The following NEU4 variants were observed in gnomAD, a reference collection of about 807,000 sequenced individuals.
The protein encoded by NEU4 is neuraminidase 4.
In NEU4, 7 loss-of-function variants were observed where a neutral mutation model predicts 9.9. The ratio of observed to expected loss-of-function variants is 0.71; its 90% CI spans 0.40 to 1.33. The LOEUF (loss-of-function observed/expected upper bound fraction) is 1.33. NEU4 is among the 40% of genes most tolerant of loss of function. The probability of loss-of-function intolerance (pLI) is 0.01; values close to 1 mark genes in which losing one functional copy is unlikely to be tolerated. For missense variants in NEU4, 717 were observed against 712.6 expected (o/e 1.01, Z -0.07); for synonymous variants, 348 against 316.9 (o/e 1.10, Z -1.04).
intron 1 of NEU4, chr2:241,810,764 T>C (rs1254724105): frequency 5.9e-6 from 1 of 168,232 alleles, no homozygotes; most frequent in Non-Finnish European, 1.2e-5. Flanking sequence ...TGAAAGGGAC[T>C]GGCAGGAGTC....
chr2:241,816,038 C>T lies in NEU4; in HGVS notation c.458-13C>T. Reference sequence around the variant, plus strand: ...CCCAGCAGCCCCTCCCACCTCTGCCCTCCTCCCTGCAGACTGGGCCACATT... The same window carrying T: ...CCCAGCAGCCCCTCCCACCTCTGCCTTCCTCCCTGCAGACTGGGCCACATT... On this transcript the variant is annotated splice_polypyrimidine_tract_variant and intron_variant, in intron 3 of 3. Transcript: ENST00000407683. 4 of 1,586,252 alleles carry T rather than the reference C, an allele frequency of 2.5e-6. No homozygotes were observed. Among genetic ancestry groups the T allele is most frequent in the South Asian group, 1.1e-5 (1 of 87,182 alleles).
At chr2:241,815,285 C>T in intron 3 of NEU4, 138 bp downstream of exon 3, 3 of 1,184,592 alleles carry the variant, frequency 2.5e-6, no homozygotes, top group Non-Finnish European at 3.5e-6. Context: ...TTCCCCAGGA[C>T]TGTTCTGCGC....
At chr2:241,812,059 C>T (rs923496133) in intron 1 of NEU4, 4 of 72,484 alleles carry the variant, frequency 5.5e-5, no homozygotes, top group Middle Eastern at 7.4e-3. Flanking sequence ...AAGTGCTGAC[C>T]CCAGAGGGTG....
rs1243826697 is a variant in NEU4, at chr2:241,812,453, G to A, written c.-3-2029G>A. 5.8e-4 allele frequency among the ~76,000 whole-genome samples: 39 copies of A among 67,562 alleles called. 1 individual carries two copies. Among genetic ancestry groups the A allele is most frequent in the African/African-American group, 1.6e-3 (37 of 23,252 alleles). The allele number at this position is 67,562 out of a possible 152,430, so 44.3% of individuals were successfully genotyped here. A position where few individuals can be genotyped will look rare whatever the true frequency, so the allele number is the denominator to read the frequency against. On this transcript the variant is annotated intron_variant, in intron 1 of 3. Transcript: ENST00000407683. ...TGGAATGTGCTGAACTGGCTACACTGAGCGGGGCTGGCCTCCGAGACAGAG... is the reference window on the plus strand; with the variant it reads ...TGGAATGTGCTGAACTGGCTACACTAAGCGGGGCTGGCCTCCGAGACAGAG...
intron 1 of NEU4, chr2:241,811,817 G>A (rs554874575): frequency 4.4e-4 from 121 of 272,774 alleles, no homozygotes; most frequent in African/African-American, 2.5e-3. Flanking sequence ...CCAGCCCACA[G>A]GGTCGTTCTG....
At chr2:241,813,660 C>A in intron 1 of NEU4, 1 of 652,898 alleles carries the variant, frequency 1.5e-6, no homozygotes, top group Non-Finnish European at 2.5e-6. Flanking sequence ...TTCCTGTGGG[C>A]GCTTCTCAGG....
At chr2:241,811,589 A>G in intron 1 of NEU4, 2 of 775,326 alleles carry the variant, frequency 2.6e-6, no homozygotes, top group Non-Finnish European at 3.6e-6. Context: ...GACGAGTCCC[A>G]CTCCTTGCCA....
At chr2:241,813,523 G>T in intron 1 of NEU4, 2 of 1,226,372 alleles carry the variant, frequency 1.6e-6, no homozygotes, top group Non-Finnish European at 2.1e-6. Context: ...GGCAGGTCCC[G>T]CCTGCAACAA....
In NEU4 at chr2:241,814,557, C is replaced by T. The variant is rs1237770668; in HGVS notation, c.73C>T (p.Pro25Ser). 2 of 1,612,514 alleles carry T rather than the reference C, an allele frequency of 1.2e-6. No homozygotes were observed. Among genetic ancestry groups the T allele is most frequent in the Non-Finnish European group, 1.7e-6 (2 of 1,179,902 alleles). ...GAGGACGGGCCTGACCTACCGCGTG[C>T]CCTCGCTGCTCCCCGTGCCCCCCGG... ...RERTGLTYRV[P>S]SLLPVPPGPT... The change falls in exon 2 of 4, where the codon CCC (proline) becomes TCC (serine). Residue 25 changes from proline to serine, a missense_variant. Coordinates refer to ENST00000407683, the MANE Select transcript of NEU4 (RefSeq NM_001167600.3).
Position 241,814,543 on chromosome 2 carries a change from T to C in NEU4, c.59T>C (p.Leu20Pro), listed in dbSNP as rs1409002867. 1.9e-6 allele frequency: 3 copies of C among 1,612,594 alleles called. No homozygotes were observed. The highest frequency in any genetic ancestry group is 1.7e-5 in the Admixed American group (1 of 59,990). ...TVLFERERTG[L>P]TYRVPSLLPV... The stretch of plus-strand genomic sequence containing the variant: ...CTCTTCGAGCGGGAGAGGACGGGCC[T>C]GACCTACCGCGTGCCCTCGCTGCTC... The change falls in exon 2 of 4, where the codon CTG becomes CCG. Residue 20 changes from leucine (L) to proline (P), a missense_variant. Coordinates refer to ENST00000407683, the MANE Select transcript of NEU4 (RefSeq NM_001167600.3).
rs1048068042 is a variant in NEU4, at chr2:241,816,646, T to C, written c.1053T>C (p.Pro351=). 1.3e-6 allele frequency: 2 copies of C among 1,538,454 alleles called. No homozygotes were observed. Among genetic ancestry groups the C allele is most frequent in the African/African-American group, 2.7e-5 (2 of 72,866 alleles). The change falls in exon 4 of 4, where the codon CCT becomes CCC. Residue 351 remains proline (P), a synonymous_variant. Transcript: ENST00000407683. ...GCCCCAGGCAGCCTGGCCCCAGGCC[T>C]GGGGTCAGTGGGGATGTGGGGTCCT... is the stretch of plus-strand genomic sequence containing the variant. ...GDGPRQPGPR[P]GVSGDVGSWT...
At position 241,816,307 on chromosome 2, in the gene NEU4, C is replaced by T. The variant is rs1316859077; in HGVS notation, c.714C>T (p.Tyr238=). The change falls in exon 4 of 4, where the codon TAC becomes TAT. Residue 238 remains tyrosine, a synonymous_variant. Transcript: ENST00000407683. ...VDGGQAGSFL[Y]CNARSPLGSR... ...GTGGGCAGGCCGGCAGCTTCCTCTA[C>T]TGCAATGCCCGGAGCCCACTGGGCA... 3 of 1,576,640 alleles carry T rather than the reference C, an allele frequency of 1.9e-6. No homozygotes were observed. The highest frequency in any genetic ancestry group is 1.8e-5 in the Admixed American group (1 of 55,274).
Position 241,814,938 on chromosome 2 carries a change from G to A in NEU4, c.248G>A (p.Arg83Gln), listed in dbSNP as rs377083387. 16 of 1,611,896 alleles carry A rather than the reference G, an allele frequency of 9.9e-6. No homozygotes were observed. The highest frequency in any genetic ancestry group is 3.3e-5 in the Admixed American group (2 of 59,962). Residue 83 changes from arginine (R) to glutamine (Q), a missense_variant, in exon 3 of 4, where the codon CGG becomes CAG. By Grantham distance (43) the Arg-to-Gln change is conservative (BLOSUM62 1). Transcript: ENST00000407683. The stretch of plus-strand genomic sequence containing the variant: ...GGGACAGCAGCCCTGGCGGAGCACC[G>A]GTCCATGAACCCCTGCCCTGTGCAC... ...VLGTAALAEH[R>Q]SMNPCPVHDA...
At chr2:241,810,005 C>T (rs1700061918) in intron 1 of NEU4, 1 of 152,276 alleles carries the variant, frequency 6.6e-6, no homozygotes, top group South Asian at 2.1e-4. Context: ...CCACCAGTCC[C>T]AGACTTGGGG....
chr2:241,817,054 C>G lies in NEU4; in HGVS notation c.*6C>G. The G allele has an allele frequency of 6.4e-7, 1 of 1,573,276 alleles. No homozygotes were observed. Among genetic ancestry groups the G allele is most frequent in the Non-Finnish European group, 8.6e-7 (1 of 1,161,952 alleles). ...GGTGCTGCTGGCCCTCCTGACAGGC[C>G]TTCTGGCCGTGCCCATGCCCCTTGG... On this transcript the variant is annotated 3_prime_UTR_variant, in exon 4 of 4. Coordinates refer to ENST00000407683, the MANE Select transcript of NEU4 (RefSeq NM_001167600.3).
At chr2:241,814,264 G>T in intron 1 of NEU4, 1 of 625,354 alleles carries the variant, frequency 1.6e-6, no homozygotes, top group South Asian at 1.9e-5. Context: ...AGACATTTGG[G>T]GTGGAGTGGG....
chr2:241,815,809 G>T lies in NEU4; in HGVS notation c.458-242G>T, dbSNP rs1011602307. 4 of 595,686 alleles carry T rather than the reference G, an allele frequency of 6.7e-6. No homozygotes were observed. The Admixed American group carries it at 1.2e-4, about 18-fold the overall frequency. 36.9% of individuals were successfully genotyped at this position (595,686 alleles called of 1,614,324 possible). A position where few individuals can be genotyped will look rare whatever the true frequency, so the allele number is the denominator to read the frequency against. Reference sequence around the variant, plus strand: ...CCTGCCCTCCGCTCTCTCTGTGTGGGCAGCGCTCACCAGCCTCCCTGGGTG... The same window carrying T: ...CCTGCCCTCCGCTCTCTCTGTGTGGTCAGCGCTCACCAGCCTCCCTGGGTG... On this transcript the variant is annotated intron_variant, in intron 3 of 3. Coordinates refer to ENST00000407683, the MANE Select transcript of NEU4 (RefSeq NM_001167600.3).
Position 241,809,290 on chromosome 2 carries a change from A to G in NEU4, c.-4+16A>G. 1 of 1,283,816 alleles carries G rather than the reference A, an allele frequency of 7.8e-7. No homozygotes were observed. Among genetic ancestry groups the G allele is most frequent in the Non-Finnish European group, 1.0e-6 (1 of 984,000 alleles). The allele number at this position is 1,283,816 out of a possible 1,614,324, so 79.5% of individuals were successfully genotyped here. The stretch of plus-strand genomic sequence containing the variant: ...ACTGAAACTGGTACGGTCTTTTTGA[A>G]TAGAAATTTGGGGTCTTTCTGGCGA... On this transcript the variant is annotated intron_variant, in intron 1 of 3. Transcript: ENST00000407683.
chr2:241,811,124 C>T (rs1396168049), intron 1 of NEU4: 1 of 1,210,458 alleles, frequency 8.3e-7, no homozygotes, highest in East Asian at 3.3e-5. Context: ...TCTGGGAGGT[C>T]AACTGCGGCC....
Sources: gnomAD v4.1 joint callset for allele counts (sites outside exome capture counted in the v4.1 genomes callset) on GRCh38, gnomAD v4.1.1 for gene constraint, MANE v1.5 for transcripts, NCBI Gene and HGNC (gene_info 2026-07-23, HGNC 2026-07-21) for gene names.